Variants in FBRSL1 observed in about 807,000 individuals in gnomAD.
FBRSL1 encodes the protein fibrosin like 1.
A neutral mutation model predicts 89.6 loss-of-function variants in FBRSL1; 51 were observed. That is an observed-to-expected ratio of 0.57 (90% CI 0.45 to 0.72). FBRSL1 has a LOEUF of 0.72. Ranked by LOEUF, FBRSL1 falls within the 30% of genes least tolerant of loss-of-function variation. The pLI, the probability that FBRSL1 is intolerant of heterozygous loss-of-function variation, is 0.00. For missense variants in FBRSL1, 1,618 were observed against 1,451.8 expected, an observed-to-expected ratio of 1.11 and a Z score of -1.86; for synonymous variants, 779 against 681.1, an observed-to-expected ratio of 1.14 and a Z score of -2.24.
intron 2 of FBRSL1, among the ~76,000 whole-genome samples, chr12:132,508,622 G>A (rs2033969493): frequency 6.6e-6 from 1 of 152,238 alleles, no homozygotes; most frequent in Non-Finnish European, 1.5e-5. Flanking sequence ...TCCGGGCTGG[G>A]GCGCCAAGCT....
intron 5 of FBRSL1, among the ~76,000 whole-genome samples, chr12:132,562,917 C>T (rs1360412024): frequency 1.3e-5 from 2 of 152,070 alleles, no homozygotes; most frequent in Non-Finnish European, 2.9e-5. Flanking sequence ...TCTATGTTTG[C>T]GATCTGTCTG....
At chr12:132,504,768 G>T (rs2033471198) in intron 1 of FBRSL1, among the ~76,000 whole-genome samples, 1 of 152,178 alleles carries the variant, frequency 6.6e-6, no homozygotes, top group African/African-American at 2.4e-5. Flanking sequence ...TGTGTCTCTT[G>T]TGTCTTCATT....
chr12:132,530,997 G>GA (rs1189769880), intron 4 of FBRSL1, among the ~76,000 whole-genome samples: 1 of 148,932 alleles, frequency 6.7e-6, no homozygotes, highest in African/African-American at 2.5e-5. Flanking sequence ...TCCAGTGTGG[G>GA]GGGGGGGGTG....
At chr12:132,559,945 G>A (rs1221281134) in intron 5 of FBRSL1, 2 of 147,530 alleles carry the variant, frequency 1.4e-5, no homozygotes, top group East Asian at 3.9e-4. Context: ...CGCCCCGCCC[G>A]CGCTCCCGCC....
intron 5 of FBRSL1, among the ~76,000 whole-genome samples, chr12:132,560,970 AGAGCTGAGGGACCGCGTGGAGGAAC>A (rs1566204288): frequency 6.6e-6 from 1 of 152,154 alleles, no homozygotes; most frequent in African/African-American, 2.4e-5. Context: ...TAGAAGGGAA[AGAGCTGAGGGACCGCGTGGAGGAAC>A]GAGCCCCAGA....
chr12:132,548,056 G>T (rs1347433660), intron 5 of FBRSL1, 24 bp downstream of exon 5: 2 of 1,549,808 alleles, frequency 1.3e-6, no homozygotes, highest in Non-Finnish European at 8.7e-7. Flanking sequence ...CCTCCTCCTG[G>T]GCTCGGCTGA....
intron 4 of FBRSL1, among the ~76,000 whole-genome samples, chr12:132,537,768 C>T (rs1208617343): frequency 6.6e-6 from 1 of 152,196 alleles, no homozygotes; most frequent in Non-Finnish European, 1.5e-5. Context: ...CTTCAGAGCC[C>T]AGGCCGCCCA....
chr12:132,580,380 G>GC (rs1407645460), intron 15 of FBRSL1, among the ~76,000 whole-genome samples: 4 of 152,180 alleles, frequency 2.6e-5, no homozygotes, highest in Non-Finnish European at 4.4e-5. Flanking sequence ...GAGCCACTGC[G>GC]CCCGGCCAAT....
At chr12:132,572,083 A>G (rs2040060113) in intron 9 of FBRSL1, 1 of 583,492 alleles carries the variant, frequency 1.7e-6, no homozygotes, top group East Asian at 2.9e-5. Context: ...GACCCTTAGA[A>G]TGGCAGGGCC....
In FBRSL1 at chr12:132,583,595, C is replaced by G; in HGVS notation, c.2826C>G (p.Leu942=). 7.0e-6 allele frequency: 7 copies of G among 994,902 alleles called. No homozygotes were observed. Among genetic ancestry groups the G allele is most frequent in the East Asian group, 1.1e-4 (1 of 9,370 alleles). The allele number at this position is 994,902 out of a possible 1,614,324, so 61.6% of individuals were successfully genotyped here. Residue 942 remains leucine, a synonymous_variant, in exon 19 of 19, where the codon CTC becomes CTG. Coordinates refer to ENST00000680143, the MANE Select transcript of FBRSL1 (RefSeq NM_001367871.1). ...RLSPAALHNG[L]LARTPPAAAA... is the part of the protein sequence containing the mutation. The stretch of plus-strand genomic sequence containing the variant: ...CGCCCGCCGCGCTGCACAATGGGCT[C>G]CTGGCGCGGACCCCGCCCGCCGCCG...
chr12:132,510,043 C>T, intron 2 of FBRSL1: 2 of 1,231,362 alleles, frequency 1.6e-6, no homozygotes, highest in Non-Finnish European at 2.0e-6. Flanking sequence ...CAGCCCGGCC[C>T]ACTCACGCCT....
chr12:132,581,162 T>C, intron 15 of FBRSL1: 1 of 984,986 alleles, frequency 1.0e-6, no homozygotes, highest in Non-Finnish European at 1.2e-6. Context: ...TGCAGCCCCT[T>C]TGCTCCGAGG....
At chr12:132,503,717 C>T (rs1347033965) in intron 1 of FBRSL1, among the ~76,000 whole-genome samples, 2 of 152,236 alleles carry the variant, frequency 1.3e-5, no homozygotes, top group African/African-American at 4.8e-5. Flanking sequence ...GCCATGCCAG[C>T]TGGGTGCTGA....
At chr12:132,505,192 G>A (rs1250505777) in intron 1 of FBRSL1, among the ~76,000 whole-genome samples, 5 of 152,216 alleles carry the variant, frequency 3.3e-5, no homozygotes, top group African/African-American at 9.6e-5. Flanking sequence ...ACCTCACTGC[G>A]GTGAACACGA....
rs970221025 is a variant in FBRSL1 at position 132,570,116 on chromosome 12, G to A, written c.882G>A (p.Pro294=). 22 of 1,468,536 alleles carry A rather than the reference G, an allele frequency of 1.5e-5. No individual in the cohort carries two copies. Among genetic ancestry groups the A allele is most frequent in the South Asian group, 5.2e-5 (4 of 77,356 alleles). 91.0% of individuals were successfully genotyped at this position (1,468,536 alleles called of 1,614,324 possible). Residue 294 remains proline, a synonymous_variant, in exon 7 of 19, where the codon CCG becomes CCA. Coordinates refer to ENST00000680143, the MANE Select transcript of FBRSL1 (RefSeq NM_001367871.1). Reference sequence around the variant, plus strand: ...TGGTGAAGAAGGAACCCCCCGCCCCGCACCGCCACACCCCGCAGCCGCCAC... The same window carrying A: ...TGGTGAAGAAGGAACCCCCCGCCCCACACCGCCACACCCCGCAGCCGCCAC... ...NPLVKKEPPA[P]HRHTPQPPPP... is the part of the protein sequence containing the mutation.
At chr12:132,525,396 A>G (rs1331242878) in intron 2 of FBRSL1, among the ~76,000 whole-genome samples, 1 of 152,284 alleles carries the variant, frequency 6.6e-6, no homozygotes, top group East Asian at 1.9e-4. Flanking sequence ...GGCTTGTGGA[A>G]GGGGCGGCTC....
intron 4 of FBRSL1, among the ~76,000 whole-genome samples, chr12:132,537,646 C>T (rs576201204): frequency 7.9e-5 from 12 of 152,296 alleles, no homozygotes; most frequent in Admixed American, 6.5e-4. Context: ...GCAGTGCTCC[C>T]TTGAGGACTG....
Position 132,583,879 on chromosome 12 carries a change from G to A in FBRSL1, c.*101G>A, listed in dbSNP as rs1475549480. On this transcript the variant is annotated 3_prime_UTR_variant, in exon 19 of 19. Transcript: ENST00000680143. ...CAGCTCCCGCCGATCCTGGGGCGGC[G>A]CCGCCTCTCCACCCGCAGCCTGCGG... is the stretch of plus-strand genomic sequence containing the variant. The A allele has an allele frequency of 2.4e-5, 15 of 628,046 alleles. No homozygotes were observed. Among genetic ancestry groups the A allele is most frequent in the African/African-American group, 5.9e-5 (3 of 50,866 alleles). The allele number at this position is 628,046 out of a possible 1,614,324, so 38.9% of individuals were successfully genotyped here.
intron 2 of FBRSL1, chr12:132,509,913 G>A: frequency 2.4e-6 from 3 of 1,230,754 alleles, no homozygotes; most frequent in Non-Finnish European, 3.0e-6. Context: ...CCCCCGGCGG[G>A]CCTTCCTAGC....
Sources: allele counts gnomAD v4.1 joint callset (sites outside exome capture counted in the v4.1 genomes callset), GRCh38; gene constraint gnomAD v4.1.1; transcripts MANE v1.5; gene names NCBI Gene and HGNC (gene_info 2026-07-23, HGNC 2026-07-21).